BTBD7: variants seen among roughly 807,000 people sequenced by gnomAD.
BTBD7 encodes BTB domain containing 7.
In BTBD7, 38 loss-of-function variants were observed where a neutral mutation model predicts 99.9. The ratio of observed to expected loss-of-function variants is 0.38; its 90% CI spans 0.29 to 0.50. The LOEUF (loss-of-function observed/expected upper bound fraction) is 0.50. Among genes scored for constraint, BTBD7 ranks in the 20% least tolerant of loss-of-function variants. BTBD7 has a pLI of 0.93. For synonymous variants in BTBD7, 520 were observed against 511.4 expected (o/e 1.02, Z -0.23); for missense variants, 1,170 against 1,394.6 (o/e 0.84, Z 2.57).
intron 3 of BTBD7, among the ~76,000 whole-genome samples, chr14:93,270,860 AT>A (rs1041065345): frequency 6.6e-6 from 1 of 152,160 alleles, no homozygotes; most frequent in Non-Finnish European, 1.5e-5. Context: ...ACTTCTTACA[AT>A]TTCTTTTGCT....
chr14:93,328,762 T>A (rs559251625), intron 1 of BTBD7, among the ~76,000 whole-genome samples: 1 of 151,902 alleles, frequency 6.6e-6, no homozygotes, highest in Non-Finnish European at 1.5e-5. Flanking sequence ...CAGAAAATTT[T>A]AAAAACTTAG....
At chr14:93,259,097 T>C (rs1396233419) in intron 5 of BTBD7, among the ~76,000 whole-genome samples, 1 of 152,234 alleles carries the variant, frequency 6.6e-6, no homozygotes, top group East Asian at 1.9e-4. Context: ...ACTGAACTGT[T>C]GCTCATAGGG....
At position 93,318,365 on chromosome 14, in the gene BTBD7, T is replaced by TA. The variant is rs2053231587; in HGVS notation, c.-107+14454dup. ...GCATGAGGGGGGCTTTTGGAATACT[T>TA]ACAGTGCTCTATTTCATGGCCAGAG... is the stretch of plus-strand genomic sequence containing the variant. On this transcript the variant is annotated intron_variant, in intron 1 of 10. Transcript: ENST00000334746. 6.6e-5 allele frequency among the ~76,000 whole-genome samples: 10 copies of TA among 152,308 alleles called. No homozygotes were observed. In the South Asian group the frequency reaches 1.9e-3, roughly 28 times the overall value.
chr14:93,329,564 G>T (rs994179543), intron 1 of BTBD7, among the ~76,000 whole-genome samples: 1 of 152,072 alleles, frequency 6.6e-6, no homozygotes, highest in African/African-American at 2.4e-5. Context: ...CCATTGAGGG[G>T]AACTTAACAA....
intron 9 of BTBD7, among the ~76,000 whole-genome samples, chr14:93,247,656 C>G (rs1286721274): frequency 6.6e-6 from 1 of 152,166 alleles, no homozygotes; most frequent in African/African-American, 2.4e-5. Context: ...ACATCCTATC[C>G]TTTTAAAGGG....
chr14:93,272,416 C>T (rs1370273286), intron 3 of BTBD7, among the ~76,000 whole-genome samples: 1 of 152,216 alleles, frequency 6.6e-6, no homozygotes, highest in Non-Finnish European at 1.5e-5. Context: ...TTAATTTCTA[C>T]TCTGCCTTTC....
At chr14:93,311,564 A>C (rs2053138129) in intron 1 of BTBD7, among the ~76,000 whole-genome samples, 1 of 152,124 alleles carries the variant, frequency 6.6e-6, no homozygotes, top group Non-Finnish European at 1.5e-5. Flanking sequence ...TCCAATTCAA[A>C]TTCAGGTTTA....
At position 93,263,886 on chromosome 14, in the gene BTBD7, G is replaced by C. The variant is rs2052515292; in HGVS notation, c.1270C>G (p.His424Asp). Residue 424 changes from histidine (H) to aspartate (D), a missense_variant, in exon 4 of 11, where the codon CAT (histidine) becomes GAT (aspartate). His to Asp is a moderately conservative substitution (Grantham distance 81). Around this residue, in one of 4 missense-constraint regions of BTBD7, gnomAD observed 309 missense variants for 342.0 expected, o/e 0.90. Coordinates refer to ENST00000334746, the MANE Select transcript of BTBD7 (RefSeq NM_001002860.4). ...GSKWVHRQAL[H>D]FLCEEFSQVM... ...TGGGAAAATTCCTCACAGAGGAAAT[G>C]TAAAGCTTGTCGGTGCACCCATTTA... The C allele has an allele frequency of 6.2e-7, 1 of 1,614,172 alleles. No individual in the cohort carries two copies. The highest frequency in any genetic ancestry group is 8.5e-7 in the Non-Finnish European group (1 of 1,180,002).
At chr14:93,288,823 A>G in intron 3 of BTBD7, 1 of 1,437,592 alleles carries the variant, frequency 7.0e-7, no homozygotes, top group Non-Finnish European at 9.2e-7. Context: ...TGAGCTGTTC[A>G]CCATTTCCAG....
At chr14:93,316,155 T>C (rs2053202841) in intron 1 of BTBD7, among the ~76,000 whole-genome samples, 2 of 152,034 alleles carry the variant, frequency 1.3e-5, no homozygotes, top group Non-Finnish European at 2.9e-5. Flanking sequence ...GGTTTCACCA[T>C]GTTGGCCAGG....
At chr14:93,316,603 C>CT (rs2053209519) in intron 1 of BTBD7, among the ~76,000 whole-genome samples, 1 of 152,096 alleles carries the variant, frequency 6.6e-6, no homozygotes, top group African/African-American at 2.4e-5. Context: ...ATAAGGTAAA[C>CT]TATATAAGGT....
In BTBD7 at chr14:93,263,992, G is replaced by A. The variant is rs1343504181; in HGVS notation, c.1164C>T (p.Gly388=). 5 of 1,612,902 alleles carry A rather than the reference G, an allele frequency of 3.1e-6. No homozygotes were observed. The African/African-American group carries it at 6.7e-5, about 22-fold the overall frequency. The change falls in exon 4 of 11, where the codon GGC becomes GGT. Residue 388 remains glycine, a splice_region_variant and synonymous_variant. Transcript: ENST00000334746. ...LFLEFNMLAQ[G]CEDIIAESIS... ...TGCTCTCAGCAATGATATCCTCACAGCCTAAAAGAGAAGGCAAATACTTCT... is the reference window on the plus strand; with the variant it reads ...TGCTCTCAGCAATGATATCCTCACAACCTAAAAGAGAAGGCAAATACTTCT...
intron 1 of BTBD7, among the ~76,000 whole-genome samples, chr14:93,307,097 C>T (rs1288056015): frequency 6.6e-6 from 1 of 152,182 alleles, no homozygotes; most frequent in African/African-American, 2.4e-5. Context: ...ACAGTATTTT[C>T]TAGATTAACA....
At chr14:93,293,728 C>T (rs542425611) in intron 3 of BTBD7, 130 bp downstream of exon 3, 7 of 1,165,002 alleles carry the variant, frequency 6.0e-6, no homozygotes, top group South Asian at 3.3e-5. Flanking sequence ...GATGTCATAA[C>T]TGAAGGTTCA....
chr14:93,310,825 A>C (rs2053128895), intron 1 of BTBD7, among the ~76,000 whole-genome samples: 1 of 124,200 alleles, frequency 8.1e-6, no homozygotes, highest in East Asian at 2.3e-4. Flanking sequence ...GGTAGTATGT[A>C]CTTCCAACAG....
Position 93,246,105 on chromosome 14 carries a change from G to A in BTBD7, c.2303C>T (p.Pro768Leu), listed in dbSNP as rs369767057. The part of the protein sequence containing the change: ...LPPPPPPYHP[P>L]ATPIHNQLKA... ...GAGTTGGTTATGGATTGGGGTAGCT[G>A]GGGGGTGGTAGGGAGGTGGTGGAGG... The change falls in exon 10 of 11, where the codon CCA (proline) becomes CTA (leucine). Residue 768 changes from proline (P) to leucine (L), a missense_variant. Transcript: ENST00000334746. 8 of 1,550,982 alleles carry A rather than the reference G, an allele frequency of 5.2e-6. No homozygotes were observed. Among genetic ancestry groups the A allele is most frequent in the Non-Finnish European group, 6.9e-6 (8 of 1,152,532 alleles).
intron 1 of BTBD7, among the ~76,000 whole-genome samples, chr14:93,324,357 G>C (rs2053303037): frequency 6.6e-6 from 1 of 151,336 alleles, no homozygotes; most frequent in African/African-American, 2.4e-5. Context: ...AAGAGGTCAA[G>C]GTTGGAGTGA....
intron 5 of BTBD7, among the ~76,000 whole-genome samples, chr14:93,258,303 T>G (rs1490705473): frequency 6.6e-6 from 1 of 152,132 alleles, no homozygotes; most frequent in Admixed American, 6.6e-5. Context: ...TTGTTAACTG[T>G]GTAGAAAAGA....
intron 6 of BTBD7, among the ~76,000 whole-genome samples, chr14:93,255,322 T>G (rs2052417630): frequency 6.6e-6 from 1 of 151,874 alleles, no homozygotes; most frequent in Non-Finnish European, 1.5e-5. Context: ...ATTTTTGTAT[T>G]TTTTGGTAGA....
Sources: allele counts gnomAD v4.1 joint callset (sites outside exome capture counted in the v4.1 genomes callset), GRCh38; gene constraint gnomAD v4.1.1; regional missense constraint gnomAD v4.1.1; transcripts MANE v1.5; gene names NCBI Gene and HGNC (gene_info 2026-07-23, HGNC 2026-07-21).